Variants in NRP2 observed in about 807,000 individuals in gnomAD.
The protein encoded by NRP2 is neuropilin-2.
NRP2 carries 52 observed loss-of-function variants against 110.4 expected under a neutral mutation model. The ratio of observed to expected loss-of-function variants is 0.47; its 90% confidence interval spans 0.38 to 0.59. The LOEUF (loss-of-function observed/expected upper bound fraction) is 0.59, where lower values mean the gene tolerates loss of function less well. Ranked by LOEUF, NRP2 falls within the 20% of genes least tolerant of loss-of-function variation. The pLI, the probability that NRP2 is intolerant of heterozygous loss-of-function variation, is 0.00. For missense variants in NRP2, 1,049 were observed against 1,203.0 expected (o/e 0.87, Z 1.89); for synonymous variants, 508 against 468.9 (o/e 1.08, Z -1.08).
At chr2:205,791,713 T>A (rs899781152) in intron 15 of NRP2, among the ~76,000 whole-genome samples, 4 of 152,210 alleles carry the variant, frequency 2.6e-5, no homozygotes, top group African/African-American at 7.2e-5. Flanking sequence ...ACAGGCATTA[T>A]GACATGCCTT....
chr2:205,725,973 G>A lies in NRP2; in HGVS notation c.881G>A (p.Ser294Asn). ...GGCCGGATTGCTAATGAACAGATCA[G>A]TGCCTCATCTACCTACTCTGATGGG... ...ESGRIANEQI[S>N]ASSTYSDGRW... The change falls in exon 6 of 17, where the codon AGT (serine) becomes AAT (asparagine). Residue 294 changes from serine (S) to asparagine (N), a missense_variant. By Grantham distance (46) the Ser-to-Asn change is conservative. Transcript: ENST00000357785. This position sits in a 1 kb window ranked among gnomAD's most constrained non-coding sequence, Gnocchi z 4.1. 6.2e-7 allele frequency: 1 copy of A among 1,614,152 alleles called. No individual in the cohort carries two copies. Among genetic ancestry groups the A allele is most frequent in the Non-Finnish European group, 8.5e-7 (1 of 1,180,022 alleles).
intron 15 of NRP2, among the ~76,000 whole-genome samples, chr2:205,789,601 G>A (rs2058275234): frequency 6.6e-6 from 1 of 152,290 alleles, no homozygotes; most frequent in East Asian, 1.9e-4. Context: ...CCCTTTCCAG[G>A]GAGCTGTGGC....
At chr2:205,710,442 C>T (rs1575569440) in intron 2 of NRP2, among the ~76,000 whole-genome samples, 1 of 152,206 alleles carries the variant, frequency 6.6e-6, no homozygotes, top group Admixed American at 6.5e-5. Flanking sequence ...TGGCCTGGCC[C>T]ATAGTAAATG....
chr2:205,768,894 T>A (rs1379915950), intron 15 of NRP2, among the ~76,000 whole-genome samples: 1 of 152,058 alleles, frequency 6.6e-6, no homozygotes, highest in East Asian at 1.9e-4. Context: ...ATGGAGAATT[T>A]CATTCACCTT....
At chr2:205,713,497 A>G (rs2056837802) in intron 2 of NRP2, among the ~76,000 whole-genome samples, 1 of 152,230 alleles carries the variant, frequency 6.6e-6, no homozygotes, top group Non-Finnish European at 1.5e-5. Context: ...AGAAAAAATT[A>G]CCAATTATCC....
At chr2:205,684,755 G>C (rs849534) in intron 1 of NRP2, among the ~76,000 whole-genome samples, 133,185 of 152,300 alleles carry the variant, frequency 0.87, 58,850 homozygotes, top group East Asian at 0.98. Context: ...CTGGGCCTCC[G>C]CCGTTCCCCC....
At chr2:205,721,537 A>G (rs1276107831) in intron 3 of NRP2, among the ~76,000 whole-genome samples, 1 of 152,130 alleles carries the variant, frequency 6.6e-6, no homozygotes, top group Admixed American at 6.5e-5. Flanking sequence ...GGACCCTTTT[A>G]ATATGACTCC....
chr2:205,689,497 C>T (rs769128309), intron 1 of NRP2, among the ~76,000 whole-genome samples: 12 of 152,224 alleles, frequency 7.9e-5, no homozygotes, highest in Admixed American at 3.3e-4. Context: ...AGAAAGCACA[C>T]TATAACCATT....
At chr2:205,715,388 C>T (rs2056874482) in intron 2 of NRP2, among the ~76,000 whole-genome samples, 1 of 152,188 alleles carries the variant, frequency 6.6e-6, no homozygotes, top group Non-Finnish European at 1.5e-5. Flanking sequence ...GGCAGCCTGC[C>T]CTGCCTCTCA....
intron 7 of NRP2, chr2:205,740,015 G>C (rs1022684302): frequency 7.9e-6 from 2 of 252,676 alleles, no homozygotes; most frequent in African/African-American, 4.6e-5. Context: ...TCATCATCTT[G>C]TCCGCTCATG....
chr2:205,758,316 G>A (rs1297700005), intron 12 of NRP2, among the ~76,000 whole-genome samples: 9 of 152,204 alleles, frequency 5.9e-5, no homozygotes, highest in Admixed American at 5.9e-4. Flanking sequence ...CAGGAGATGT[G>A]CGTGTTGGAC....
Position 205,743,839 on chromosome 2 carries a change from G to T in NRP2, c.1641+287G>T, listed in dbSNP as rs867396740. The T allele has an allele frequency of 9.2e-5, 41 of 447,634 alleles. 1 individual carries two copies. The highest frequency in any genetic ancestry group is 2.0e-4 in the South Asian group (7 of 35,174). The allele number at this position is 447,634 out of a possible 1,614,324, so 27.7% of individuals were successfully genotyped here. The stretch of plus-strand genomic sequence containing the variant: ...GCTCACTGCAACCTCCGCCTCCAGG[G>T]TTCAAGCGATTCTCCAGCCTCAGCC... On this transcript the variant is annotated intron_variant, in intron 9 of 16. Coordinates refer to ENST00000357785, the MANE Select transcript of NRP2 (RefSeq NM_003872.3).
At chr2:205,767,282 G>T (rs2057940391) in intron 15 of NRP2, 1 of 391,208 alleles carries the variant, frequency 2.6e-6, no homozygotes, top group Non-Finnish European at 5.0e-6. Context: ...AGGGGCTTCT[G>T]TGTACAGCCT....
In NRP2 at chr2:205,749,806, C is replaced by A. The variant is rs1209132652; in HGVS notation, c.1868C>A (p.Ala623Asp). The A allele has an allele frequency of 1.9e-6, 3 of 1,614,096 alleles. No homozygotes were observed. The South Asian group carries it at 3.3e-5, about 18-fold the overall frequency. The change falls in exon 11 of 17, where the codon GCC (alanine) becomes GAC (aspartate). Residue 623 changes from alanine to aspartate, a missense_variant. Ala to Asp is a moderately radical substitution (Grantham distance 126). Coordinates refer to ENST00000357785, the MANE Select transcript of NRP2 (RefSeq NM_003872.3). The part of the protein sequence containing the change: ...TTTPYPTEEE[A>D]TECGENCSFE... ...ACCCCCTACCCCACCGAAGAGGAGGCCACAGAGTGTGGGGAGAACTGCAGC... is the reference window on the plus strand; with the variant it reads ...ACCCCCTACCCCACCGAAGAGGAGGACACAGAGTGTGGGGAGAACTGCAGC...
At position 205,682,944 on chromosome 2, in the gene NRP2, T is replaced by G. The variant is rs1035082766; in HGVS notation, c.-347T>G. 3.3e-5 allele frequency: 9 copies of G among 271,968 alleles called. No homozygotes were observed. In the South Asian group the frequency reaches 4.1e-4, roughly 12 times the overall value. The allele number at this position is 271,968 out of a possible 1,614,324, so 16.8% of individuals were successfully genotyped here. A position where few individuals can be genotyped will look rare whatever the true frequency, so the allele number is the denominator to read the frequency against. On this transcript the variant is annotated 5_prime_UTR_variant, in exon 1 of 17. Coordinates refer to ENST00000357785, the MANE Select transcript of NRP2 (RefSeq NM_003872.3). This position sits in a 1 kb window ranked among gnomAD's most constrained non-coding sequence, Gnocchi z 4.3. ...TTAATTATTATTATTATCATTATTG[T>G]TACGCTTGGCTTTCGGGAAATACTC... is the stretch of plus-strand genomic sequence containing the variant.
At chr2:205,775,838 A>T (rs1324385998) in intron 15 of NRP2, among the ~76,000 whole-genome samples, 3 of 152,080 alleles carry the variant, frequency 2.0e-5, no homozygotes, top group African/African-American at 4.8e-5. Context: ...TGTGTGTGTG[A>T]GAGAGAGAGG....
chr2:205,767,211 A>C (rs1209886268), intron 15 of NRP2: 1 of 317,410 alleles, frequency 3.2e-6, no homozygotes, highest in Admixed American at 4.8e-5. Flanking sequence ...TTTTAGCCTG[A>C]AGATGGTTTC....
rs376251616 is a variant in NRP2 at position 205,787,240 on chromosome 2, C to T, written c.2426-4995C>T. Among the ~76,000 whole-genome samples, 16 of 152,204 alleles carry T rather than the reference C, an allele frequency of 1.1e-4. No individual in the cohort carries two copies. The East Asian group carries it at 2.3e-3, about 22-fold the overall frequency. On this transcript the variant is annotated intron_variant, in intron 15 of 16. Transcript: ENST00000357785. Reference sequence around the variant, plus strand: ...AGGCATTCCGCCCCCAGCCTAGGGCCCTCCACATCCCACGCCGCTTCCTTC... The same window carrying T: ...AGGCATTCCGCCCCCAGCCTAGGGCTCTCCACATCCCACGCCGCTTCCTTC...
chr2:205,749,617 A>G (rs921044696), intron 10 of NRP2, 108 bp from the exon 11 acceptor site: 8 of 873,946 alleles, frequency 9.2e-6, no homozygotes, highest in Admixed American at 3.5e-5. Flanking sequence ...TTCCGTGCAC[A>G]TGTGTGCATC....
Sources: gnomAD v4.1 joint callset for allele counts (sites outside exome capture counted in the v4.1 genomes callset) on GRCh38, gnomAD v4.1.1 for gene constraint, Gnocchi (gnomAD v3.1) non-coding constraint, MANE v1.5 for transcripts, NCBI Gene and HGNC (gene_info 2026-07-23, HGNC 2026-07-21) for gene names.